ME1: variants seen among roughly 807,000 people sequenced by gnomAD.
ME1 encodes NADP-dependent malic enzyme.
ME1 carries 74 observed loss-of-function variants against 66.4 expected under a neutral mutation model. That is an observed-to-expected ratio of 1.11 (90% confidence interval 0.92 to 1.35). ME1 has a LOEUF of 1.35. Among genes scored for constraint, ME1 ranks in the 40% most tolerant of loss-of-function variants. ME1 has a pLI of 0.00. For synonymous variants in ME1, 251 were observed against 235.6 expected, an observed-to-expected ratio of 1.07 and a Z score of -0.60; for missense variants, 750 against 694.1, an observed-to-expected ratio of 1.08 and a Z score of -0.90.
At chr6:83,225,134 G>A (rs1053724274) in intron 11 of ME1, among the ~76,000 whole-genome samples, 11 of 149,902 alleles carry the variant, frequency 7.3e-5, no homozygotes, top group South Asian at 2.1e-4. Flanking sequence ...ACTGGGAGGC[G>A]GAGGTTGCAG....
At chr6:83,323,222 G>C (rs1350672591) in intron 5 of ME1, among the ~76,000 whole-genome samples, 2 of 152,120 alleles carry the variant, frequency 1.3e-5, no homozygotes, top group Non-Finnish European at 2.9e-5. Context: ...AAAGACCATT[G>C]ACATTATGAG....
At chr6:83,342,503 A>G (rs1768606309) in intron 5 of ME1, among the ~76,000 whole-genome samples, 1 of 152,076 alleles carries the variant, frequency 6.6e-6, no homozygotes, top group Non-Finnish European at 1.5e-5. Flanking sequence ...AGTTTCTTAC[A>G]CCGATATTAC....
At chr6:83,225,354 C>T (rs1790175536) in intron 11 of ME1, among the ~76,000 whole-genome samples, 1 of 151,658 alleles carries the variant, frequency 6.6e-6, no homozygotes, top group Non-Finnish European at 1.5e-5. Flanking sequence ...AATCAGAAAC[C>T]CTAAACAAAT....
chr6:83,414,491 C>T (rs533653739), intron 1 of ME1, among the ~76,000 whole-genome samples: 84 of 152,108 alleles, frequency 5.5e-4, no homozygotes, highest in African/African-American at 1.7e-3. Flanking sequence ...CTTTGATACC[C>T]TAAAATTTAC....
At chr6:83,258,052 C>T (rs1766815937) in intron 6 of ME1, among the ~76,000 whole-genome samples, 1 of 152,156 alleles carries the variant, frequency 6.6e-6, no homozygotes, top group Admixed American at 6.6e-5. Context: ...TAGAATTTCT[C>T]TGTGGTTAAA....
chr6:83,211,646 T>C lies in ME1; in HGVS notation c.*278A>G, dbSNP rs1472381404. On this transcript the variant is annotated 3_prime_UTR_variant, in exon 14 of 14. Coordinates refer to ENST00000369705, the MANE Select transcript of ME1 (RefSeq NM_002395.6). ...TTCCCATTAGTGTCCTGTATAAAAA[T>C]GATGAGTTTCTCCGTAGTACGTACA... The C allele has an allele frequency of 4.6e-6, 1 of 217,190 alleles. No individual in the cohort carries two copies. The highest frequency in any genetic ancestry group is 9.4e-5 in the East Asian group (1 of 10,674). The allele number at this position is 217,190 out of a possible 1,614,324, so 13.5% of individuals were successfully genotyped here.
rs1480927555 is a variant in ME1, at chr6:83,255,942, A to G, written c.705-2204T>C. On this transcript the variant is annotated intron_variant, in intron 6 of 13. Coordinates refer to ENST00000369705, the MANE Select transcript of ME1 (RefSeq NM_002395.6). ...TAGTCTAACAGTAATGATTAGTCTT[A>G]CTAATCTATCAAGAAAAAAATACCT... 3.3e-5 allele frequency among the ~76,000 whole-genome samples: 5 copies of G among 152,190 alleles called. 1 individual carries two copies. The highest frequency in any genetic ancestry group is 4.1e-4 in the South Asian group (2 of 4,836).
intron 1 of ME1, among the ~76,000 whole-genome samples, chr6:83,412,850 G>A (rs955473664): frequency 6.6e-6 from 1 of 152,150 alleles, no homozygotes; most frequent in African/African-American, 2.4e-5. Context: ...TGACTTCAAA[G>A]AGGGAGCAAA....
chr6:83,430,281 C>A (rs1674357138), intron 1 of ME1, among the ~76,000 whole-genome samples: 1 of 152,188 alleles, frequency 6.6e-6, no homozygotes, highest in South Asian at 2.1e-4. Flanking sequence ...CCAAGCCATG[C>A]AAAGTGTCCA....
chr6:83,287,089 T>G (rs957885786), intron 6 of ME1, among the ~76,000 whole-genome samples: 2 of 152,196 alleles, frequency 1.3e-5, no homozygotes, highest in African/African-American at 2.4e-5. Flanking sequence ...ATGAAAATTT[T>G]CATCGACAAA....
intron 3 of ME1, among the ~76,000 whole-genome samples, chr6:83,356,559 A>G (rs769430422): frequency 4.6e-5 from 7 of 152,176 alleles, no homozygotes; most frequent in Non-Finnish European, 1.0e-4. Flanking sequence ...ACAAATTAGT[A>G]CCCACAATAA....
chr6:83,260,884 C>T (rs1766870656), intron 6 of ME1, among the ~76,000 whole-genome samples: 1 of 151,672 alleles, frequency 6.6e-6, no homozygotes, highest in Non-Finnish European at 1.5e-5. Context: ...GATTCCATGT[C>T]TTTGCTATTG....
intron 8 of ME1, among the ~76,000 whole-genome samples, chr6:83,238,540 C>G (rs182919638): frequency 2.0e-5 from 3 of 151,924 alleles, no homozygotes; most frequent in Non-Finnish European, 4.4e-5. Context: ...TGTAATAATC[C>G]GCAAAATAGA....
chr6:83,366,983 C>A (rs1425585540), intron 3 of ME1, among the ~76,000 whole-genome samples: 1 of 152,138 alleles, frequency 6.6e-6, no homozygotes, highest in Non-Finnish European at 1.5e-5. Context: ...TATAGTATTA[C>A]AAAATGTATT....
At chr6:83,266,351 G>A (rs1766989318) in intron 6 of ME1, among the ~76,000 whole-genome samples, 1 of 152,266 alleles carries the variant, frequency 6.6e-6, no homozygotes, top group South Asian at 2.1e-4. Context: ...AGAAATAGCT[G>A]AAAGCACAAA....
intron 5 of ME1, among the ~76,000 whole-genome samples, chr6:83,327,528 C>A (rs181567429): frequency 6.6e-6 from 1 of 152,120 alleles, no homozygotes; most frequent in Non-Finnish European, 1.5e-5. Flanking sequence ...TCTCCCATAG[C>A]GCTCTCAGGC....
At chr6:83,274,816 A>C (rs1055046372) in intron 6 of ME1, among the ~76,000 whole-genome samples, 15 of 152,372 alleles carry the variant, frequency 9.8e-5, no homozygotes, top group African/African-American at 3.6e-4. Context: ...GTGACAAATC[A>C]CGTCACTTCT....
At chr6:83,305,811 C>T (rs1411516828) in intron 6 of ME1, among the ~76,000 whole-genome samples, 2 of 152,126 alleles carry the variant, frequency 1.3e-5, no homozygotes, top group Non-Finnish European at 2.9e-5. Context: ...TGACCTTACC[C>T]CCAAATCAAT....
At chr6:83,324,734 A>G (rs1333025497) in intron 5 of ME1, among the ~76,000 whole-genome samples, 1 of 150,056 alleles carries the variant, frequency 6.7e-6, no homozygotes, top group Non-Finnish European at 1.5e-5. Flanking sequence ...AAAAAAAAAA[A>G]AAAAAAGCCC....
Sources: gnomAD v4.1 joint callset for allele counts (sites outside exome capture counted in the v4.1 genomes callset) on GRCh38, gnomAD v4.1.1 for gene constraint, MANE v1.5 for transcripts, NCBI Gene and HGNC (gene_info 2026-07-23, HGNC 2026-07-21) for gene names.